ZNF385D: variants seen among roughly 807,000 people sequenced by gnomAD.
The protein encoded by ZNF385D is zinc finger protein 385D.
A neutral mutation model predicts 35.8 loss-of-function variants in ZNF385D; 15 were observed. That is an observed-to-expected ratio of 0.42 (90% CI 0.28 to 0.64). The LOEUF (loss-of-function observed/expected upper bound fraction) is 0.64, where lower values mean the gene tolerates loss of function less well. ZNF385D is among the 30% of genes least tolerant of loss of function. ZNF385D has a pLI of 0.23. For synonymous variants in ZNF385D, 212 were observed against 186.8 expected (o/e 1.13, Z -1.10); for missense variants, 474 against 494.6 (o/e 0.96, Z 0.39).
chr3:22,317,196 G>A (rs1575106801), intron 2 of ZNF385D, among the ~76,000 whole-genome samples: 1 of 128,046 alleles, frequency 7.8e-6, no homozygotes. Flanking sequence ...AGAATCACTT[G>A]AACCTGGGAG....
At chr3:22,178,760 T>C (rs1695012028) in intron 2 of ZNF385D, among the ~76,000 whole-genome samples, 1 of 152,240 alleles carries the variant, frequency 6.6e-6, no homozygotes, top group South Asian at 2.1e-4. Flanking sequence ...TTAATTTTTG[T>C]ATAACGTGTA....
At chr3:21,587,306 G>C (rs1050018729) in intron 2 of ZNF385D, among the ~76,000 whole-genome samples, 1 of 152,142 alleles carries the variant, frequency 6.6e-6, no homozygotes, top group African/African-American at 2.4e-5. Flanking sequence ...AAGACAAGAA[G>C]TTTCGTTTTG....
intron 3 of ZNF385D, among the ~76,000 whole-genome samples, chr3:21,556,542 ATAT>A (rs137874454): frequency 0.68 from 102,492 of 151,462 alleles, 35,427 homozygotes; most frequent in African/African-American, 0.83. Flanking sequence ...TAGATGTGTG[ATAT>A]TATTTCTGAG....
intron 3 of ZNF385D, among the ~76,000 whole-genome samples, chr3:22,020,027 T>C (rs1697128545): frequency 6.6e-6 from 1 of 151,796 alleles, no homozygotes; most frequent in Admixed American, 6.6e-5. Flanking sequence ...ATAATTAAAT[T>C]AATATTATTA....
chr3:22,290,141 C>T (rs960782200), intron 2 of ZNF385D, among the ~76,000 whole-genome samples: 9 of 152,190 alleles, frequency 5.9e-5, no homozygotes, highest in African/African-American at 1.7e-4. Flanking sequence ...GATTAAGAGC[C>T]AAATTGTGAG....
intron 2 of ZNF385D, among the ~76,000 whole-genome samples, chr3:22,339,654 G>A (rs905719712): frequency 1.3e-5 from 2 of 152,158 alleles, no homozygotes; most frequent in Non-Finnish European, 2.9e-5. Flanking sequence ...CCTTGCTACT[G>A]TTCTACAGTC....
intron 3 of ZNF385D, among the ~76,000 whole-genome samples, chr3:21,768,426 T>G (rs560707319): frequency 6.6e-6 from 1 of 151,980 alleles, no homozygotes; most frequent in Admixed American, 6.6e-5. Flanking sequence ...ACAATCACAC[T>G]AGCAGAATCT....
chr3:21,822,884 G>A (rs189979710), intron 3 of ZNF385D, among the ~76,000 whole-genome samples: 44 of 151,962 alleles, frequency 2.9e-4, no homozygotes, highest in African/African-American at 1.0e-3. Context: ...AAGTAATACT[G>A]CATAAAATTT....
At chr3:21,502,316 C>T (rs1223039256) in intron 4 of ZNF385D, among the ~76,000 whole-genome samples, 1 of 152,134 alleles carries the variant, frequency 6.6e-6, no homozygotes. Context: ...CCTCCAACAT[C>T]ATTTACTCTC....
rs1337406083 is a variant in ZNF385D at position 21,417,840 on chromosome 3, G to A, written c.*3374C>T. 1.3e-5 allele frequency: 2 copies of A among 152,148 alleles called. No individual in the cohort carries two copies. The highest frequency in any genetic ancestry group is 2.4e-5 in the African/African-American group (1 of 41,434). The allele number at this position is 152,148 out of a possible 1,614,324, so 9.4% of individuals were successfully genotyped here. ...AGAAAAACCAAATTTCATCTCTGAT[G>A]ATAATGGCAGTGAATTACTGCGATA... On this transcript the variant is annotated 3_prime_UTR_variant, in exon 8 of 8. Transcript: ENST00000281523.
At chr3:21,920,881 C>T (rs12493892) in intron 3 of ZNF385D, among the ~76,000 whole-genome samples, 81,161 of 151,668 alleles carry the variant, frequency 0.54, 23,774 homozygotes, top group South Asian at 0.66. Context: ...TTACAAAATA[C>T]ATTAAAATAT....
chr3:21,974,456 T>C (rs939004277), intron 3 of ZNF385D, among the ~76,000 whole-genome samples: 1 of 151,998 alleles, frequency 6.6e-6, no homozygotes, highest in Non-Finnish European at 1.5e-5. Context: ...TCTAAGATCT[T>C]AAGCTAAGAA....
intron 2 of ZNF385D, among the ~76,000 whole-genome samples, chr3:21,607,520 T>C (rs1372290074): frequency 2.0e-5 from 3 of 152,214 alleles, no homozygotes; most frequent in African/African-American, 7.2e-5. Flanking sequence ...AATAATTATA[T>C]TGATGAGGCC....
chr3:22,131,756 T>C (rs62248881), intron 3 of ZNF385D, among the ~76,000 whole-genome samples: 32,004 of 152,128 alleles, frequency 0.21, 3,713 homozygotes, highest in Non-Finnish European at 0.27. Flanking sequence ...TGATCGCTTC[T>C]ACTTTTATAG....
intron 4 of ZNF385D, among the ~76,000 whole-genome samples, chr3:21,508,864 T>C (rs1347881316): frequency 6.6e-6 from 1 of 152,212 alleles, no homozygotes; most frequent in Non-Finnish European, 1.5e-5. Context: ...AACTAGATTC[T>C]GACCCTTTGG....
chr3:22,022,268 T>TTAA (rs1372091095), intron 3 of ZNF385D, among the ~76,000 whole-genome samples: 4 of 152,156 alleles, frequency 2.6e-5, no homozygotes, highest in Non-Finnish European at 4.4e-5. Flanking sequence ...ATGTTAGCTA[T>TTAA]TATCATGTTA....
At chr3:22,332,578 T>C (rs919621413) in intron 2 of ZNF385D, among the ~76,000 whole-genome samples, 1 of 151,934 alleles carries the variant, frequency 6.6e-6, no homozygotes, top group Non-Finnish European at 1.5e-5. Context: ...GAAGAATGGA[T>C]AGCAAGGAAA....
chr3:21,775,792 G>C (rs2071263984), intron 3 of ZNF385D, among the ~76,000 whole-genome samples: 1 of 151,712 alleles, frequency 6.6e-6, no homozygotes, highest in African/African-American at 2.4e-5. Flanking sequence ...GATTGTCTGA[G>C]CTATAGTTAG....
intron 3 of ZNF385D, among the ~76,000 whole-genome samples, chr3:22,061,767 C>T (rs1235397957): frequency 6.6e-6 from 1 of 152,168 alleles, no homozygotes; most frequent in Non-Finnish European, 1.5e-5. Context: ...TGCCTCTGTA[C>T]ACACACACTC....
Sources: allele counts gnomAD v4.1 joint callset (sites outside exome capture counted in the v4.1 genomes callset), GRCh38; gene constraint gnomAD v4.1.1; transcripts MANE v1.5; gene names NCBI Gene and HGNC (gene_info 2026-07-23, HGNC 2026-07-21).